ARHGEF3: variants seen among roughly 807,000 people sequenced by gnomAD.
The protein encoded by ARHGEF3 is Rho guanine nucleotide exchange factor 3, also known as 59.8 kDA protein.
Under a neutral mutation model 63.2 loss-of-function variants are expected in ARHGEF3, and 28 were observed. The ratio of observed to expected loss-of-function variants is 0.44; its 90% CI spans 0.33 to 0.61. The LOEUF (loss-of-function observed/expected upper bound fraction) is 0.61, where lower values mean the gene tolerates loss of function less well. ARHGEF3 is among the 20% of genes least tolerant of loss of function. The pLI is 0.03. For synonymous variants in ARHGEF3, 266 were observed against 254.2 expected (o/e 1.05, Z -0.44); for missense variants, 533 against 659.3 (o/e 0.81, Z 2.10).
chr3:57,006,020 G>A (rs71309992), intron 2 of ARHGEF3, among the ~76,000 whole-genome samples: 2,756 of 152,240 alleles, frequency 0.018, 47 homozygotes, highest in Non-Finnish European at 0.024. Flanking sequence ...TAACTTACCT[G>A]TAACACTGCA....
intron 2 of ARHGEF3, among the ~76,000 whole-genome samples, chr3:57,002,953 T>C (rs1292168994): frequency 2.6e-5 from 4 of 151,464 alleles, no homozygotes; most frequent in African/African-American, 9.7e-5. Flanking sequence ...TTTTGTATTT[T>C]AGTAGAGACG....
intron 4 of ARHGEF3, among the ~76,000 whole-genome samples, chr3:56,864,792 C>T (rs1308527142): frequency 6.6e-6 from 1 of 152,164 alleles, no homozygotes; most frequent in East Asian, 1.9e-4. Context: ...ATGATCAATG[C>T]CACTTAACAT....
intron 1 of ARHGEF3, among the ~76,000 whole-genome samples, chr3:57,042,854 G>GCTCAGC (rs760853807): frequency 4.7e-5 from 7 of 150,444 alleles, no homozygotes; most frequent in Non-Finnish European, 1.0e-4. Flanking sequence ...CCGCCACCAT[G>GCTCAGC]CTCAGCTAGT....
At chr3:57,034,656 CTTTTTTTT>C (rs34696155) in intron 2 of ARHGEF3, among the ~76,000 whole-genome samples, 1 of 109,516 alleles carries the variant, frequency 9.1e-6, no homozygotes, top group Non-Finnish European at 1.8e-5. Context: ...ACTCCAAATT[CTTTTTTTT>C]TTTTTTTTTT....
chr3:57,076,019 C>T (rs1217357439), intron 1 of ARHGEF3, among the ~76,000 whole-genome samples: 4 of 152,124 alleles, frequency 2.6e-5, no homozygotes, highest in Non-Finnish European at 5.9e-5. Context: ...GACTTTCAAC[C>T]TGTGCAAGCG....
chr3:56,890,077 AAAT>A, intron 3 of ARHGEF3, among the ~76,000 whole-genome samples: 1 of 152,264 alleles, frequency 6.6e-6, no homozygotes, highest in Non-Finnish European at 1.5e-5. Flanking sequence ...ATAAATAAAT[AAAT>A]ACATAAATAA....
intron 2 of ARHGEF3, among the ~76,000 whole-genome samples, chr3:56,962,265 C>A (rs1700312255): frequency 6.6e-6 from 1 of 152,184 alleles, no homozygotes; most frequent in Non-Finnish European, 1.5e-5. Flanking sequence ...CAGGTCCTCA[C>A]CAAAGGAGGG....
chr3:57,045,184 T>C (rs1182295309), intron 1 of ARHGEF3, among the ~76,000 whole-genome samples: 1 of 152,136 alleles, frequency 6.6e-6, no homozygotes, highest in Non-Finnish European at 1.5e-5. Context: ...GGAGAATCGC[T>C]TGAACCTAGG....
chr3:57,079,265 A>C (rs1579238118), exon 1 of ARHGEF3: 1 of 358,988 alleles, frequency 2.8e-6, no homozygotes, highest in Non-Finnish European at 4.9e-6. Context: ...AGGCTGGAAA[A>C]CTCACCGCGG....
At chr3:56,993,536 A>C (rs933909306) in intron 2 of ARHGEF3, among the ~76,000 whole-genome samples, 2 of 151,670 alleles carry the variant, frequency 1.3e-5, no homozygotes, top group Non-Finnish European at 2.9e-5. Flanking sequence ...CACGATGGCC[A>C]GCTAATTTTT....
At chr3:56,975,772 G>T (rs750982783) in intron 2 of ARHGEF3, 1 of 426,670 alleles carries the variant, frequency 2.3e-6, no homozygotes, top group Non-Finnish European at 4.6e-6. Flanking sequence ...TATGTACCAG[G>T]CGCAGAGCCA....
chr3:56,832,269 A>G (rs2038957089), intron 4 of ARHGEF3, among the ~76,000 whole-genome samples: 1 of 152,226 alleles, frequency 6.6e-6, no homozygotes, highest in South Asian at 2.1e-4. Context: ...ATAAATACTG[A>G]TATTCTTACC....
intron 1 of ARHGEF3, chr3:57,074,418 A>C: frequency 1.5e-6 from 1 of 669,642 alleles, no homozygotes; most frequent in East Asian, 2.7e-5. Context: ...TTTTCCAAGA[A>C]GCCTCCCTGT....
chr3:56,808,140 A>G (rs1325954756), intron 4 of ARHGEF3, among the ~76,000 whole-genome samples: 1 of 148,596 alleles, frequency 6.7e-6, no homozygotes, highest in African/African-American at 2.5e-5. Context: ...AAAAAAAAAA[A>G]GTATCCCCGG....
At chr3:56,882,569 G>A (rs930150654) in intron 3 of ARHGEF3, among the ~76,000 whole-genome samples, 2 of 146,680 alleles carry the variant, frequency 1.4e-5, no homozygotes, top group African/African-American at 2.6e-5. Context: ...GCTGGGGTGC[G>A]GTGCGGTGGT....
At chr3:57,055,320 C>T (rs1459954066) in intron 1 of ARHGEF3, among the ~76,000 whole-genome samples, 2 of 151,978 alleles carry the variant, frequency 1.3e-5, no homozygotes, top group Non-Finnish European at 2.9e-5. Context: ...TGCCACCAAG[C>T]CTGGCTAATT....
chr3:56,837,921 C>T (rs1021161372), intron 4 of ARHGEF3, among the ~76,000 whole-genome samples: 1 of 152,150 alleles, frequency 6.6e-6, no homozygotes, highest in African/African-American at 2.4e-5. Context: ...TAACACACTG[C>T]TAAATGTGGA....
intron 1 of ARHGEF3, among the ~76,000 whole-genome samples, chr3:57,059,047 T>C (rs1156535839): frequency 6.7e-6 from 1 of 149,836 alleles, no homozygotes; most frequent in Non-Finnish European, 1.5e-5. Context: ...ATGTAAATGA[T>C]GAGTTAATGG....
chr3:57,035,757 G>C (rs995408631), intron 1 of ARHGEF3, among the ~76,000 whole-genome samples: 4 of 152,236 alleles, frequency 2.6e-5, no homozygotes, highest in African/African-American at 9.6e-5. Context: ...CTAGGTCTTA[G>C]GATATGAGCA....
Sources: allele counts gnomAD v4.1 joint callset (sites outside exome capture counted in the v4.1 genomes callset), GRCh38; gene constraint gnomAD v4.1.1; transcripts MANE v1.5; gene names NCBI Gene and HGNC (gene_info 2026-07-23, HGNC 2026-07-21).